Variants in SPMIP3 observed in about 807,000 individuals in gnomAD.
SPMIP3 encodes the protein protein SPMIP3.
chr1:244,358,161 T>C, the SPMIP3 span, among the ~76,000 whole-genome samples: 1 of 151,554 alleles, frequency 6.6e-6, no homozygotes, highest in African/African-American at 2.4e-5. Context: ...ACCCAGGAGG[T>C]GGAGGTTGCA....
At chr1:244,375,091 C>T in the SPMIP3 span, 3 of 207,330 alleles carry the variant, frequency 1.4e-5, no homozygotes, top group Non-Finnish European at 2.9e-5. Context: ...TTACATATTT[C>T]CTTATGAATC....
At chr1:244,387,025 C>CGGGCG in the SPMIP3 span, among the ~76,000 whole-genome samples, 3 of 152,136 alleles carry the variant, frequency 2.0e-5, no homozygotes, top group Non-Finnish European at 4.4e-5. Context: ...ACAATGCAGC[C>CGGGCG]GGGCGCAGTG....
chr1:244,373,332 TTATATA>T, the SPMIP3 span, among the ~76,000 whole-genome samples: 1 of 85,148 alleles, frequency 1.2e-5, no homozygotes, highest in Non-Finnish European at 2.6e-5. Context: ...CAAAAAAAAA[TTATATA>T]TATATATATA....
chr1:244,364,299 G>T, the SPMIP3 span, among the ~76,000 whole-genome samples: 2 of 151,978 alleles, frequency 1.3e-5, no homozygotes, highest in Non-Finnish European at 2.9e-5. Context: ...TAAAGACGGG[G>T]TTTCACCGTG....
the SPMIP3 span, among the ~76,000 whole-genome samples, chr1:244,355,785 A>G: frequency 6.6e-6 from 1 of 152,192 alleles, no homozygotes; most frequent in East Asian, 1.9e-4. Flanking sequence ...TGTGATCTTT[A>G]TTATATTCTT....
the SPMIP3 span, chr1:244,378,578 C>A: frequency 1.2e-6 from 2 of 1,613,504 alleles, no homozygotes; most frequent in African/African-American, 2.7e-5. Context: ...CAAAGCCTGC[C>A]GAGCCATGGT....
At chr1:244,379,367 A>T in the SPMIP3 span, among the ~76,000 whole-genome samples, 1 of 151,216 alleles carries the variant, frequency 6.6e-6, no homozygotes, top group East Asian at 2.0e-4. Flanking sequence ...GCACCCAGCT[A>T]ATTGTTTAAT....
the SPMIP3 span, among the ~76,000 whole-genome samples, chr1:244,385,712 ATGTT>A: frequency 1.3e-5 from 2 of 148,764 alleles, no homozygotes; most frequent in Middle Eastern, 3.2e-3. Context: ...GCCTTCAAAA[ATGTT>A]AGTTACTATT....
chr1:244,375,596 G>A, the SPMIP3 span: 16 of 576,242 alleles, frequency 2.8e-5, no homozygotes, highest in Non-Finnish European at 4.4e-5. Flanking sequence ...ATGGATAGAA[G>A]AGGTTTGCAA....
the SPMIP3 span, among the ~76,000 whole-genome samples, chr1:244,356,888 C>T: frequency 6.6e-6 from 1 of 151,164 alleles, no homozygotes. Context: ...AAATAGACAA[C>T]CCTTCCCTTT....
At chr1:244,382,601 T>G in the SPMIP3 span, among the ~76,000 whole-genome samples, 3 of 50,146 alleles carry the variant, frequency 6.0e-5, no homozygotes, top group African/African-American at 8.8e-5. Flanking sequence ...CTGGCTGCTG[T>G]TTTTTTTTTT....
the SPMIP3 span, among the ~76,000 whole-genome samples, chr1:244,367,848 C>G: frequency 6.6e-6 from 1 of 152,188 alleles, no homozygotes; most frequent in Non-Finnish European, 1.5e-5. Context: ...AAAGAGCAAA[C>G]GCTGTGGGGA....
At chr1:244,375,531 T>C in the SPMIP3 span, 1 of 1,332,494 alleles carries the variant, frequency 7.5e-7, no homozygotes, top group Non-Finnish European at 1.1e-6. Flanking sequence ...TAAAAAGGGG[T>C]CGGCGGGGGG....
the SPMIP3 span, among the ~76,000 whole-genome samples, chr1:244,378,076 G>C: frequency 6.6e-6 from 1 of 152,128 alleles, no homozygotes; most frequent in Admixed American, 6.5e-5. Context: ...AAAAATGCTG[G>C]GATTACAGGC....
chr1:244,379,900 G>A, the SPMIP3 span, among the ~76,000 whole-genome samples: 4 of 151,596 alleles, frequency 2.6e-5, no homozygotes, highest in African/African-American at 7.3e-5. Flanking sequence ...CCTGGGAGGC[G>A]GAGGTTGCGG....
At chr1:244,362,843 C>CTTTT in the SPMIP3 span, among the ~76,000 whole-genome samples, 5 of 117,562 alleles carry the variant, frequency 4.3e-5, no homozygotes, top group Admixed American at 9.7e-5. Flanking sequence ...TCCCTGTGAA[C>CTTTT]TTTTTTTTTT....
At chr1:244,373,977 G>A in the SPMIP3 span, among the ~76,000 whole-genome samples, 20 of 152,128 alleles carry the variant, frequency 1.3e-4, no homozygotes, top group African/African-American at 4.6e-4. Context: ...GCCCGGTGTG[G>A]TGGCAGGCAC....
chr1:244,375,507 G>A, the SPMIP3 span: 90 of 1,533,292 alleles, frequency 5.9e-5, no homozygotes, highest in African/African-American at 8.2e-5. Context: ...AGAATGTCAC[G>A]AAAGCTACAA....
the SPMIP3 span, among the ~76,000 whole-genome samples, chr1:244,366,289 T>C: frequency 1.3e-5 from 2 of 152,190 alleles, no homozygotes; most frequent in African/African-American, 4.8e-5. Flanking sequence ...ATCTTCCTGC[T>C]GCCTTAGTCT....
Sources: allele counts gnomAD v4.1 joint callset (sites outside exome capture counted in the v4.1 genomes callset), GRCh38; gene constraint gnomAD v4.1.1; transcripts MANE v1.5; gene names NCBI Gene and HGNC (gene_info 2026-07-23, HGNC 2026-07-21).